Variants in COG3 observed in about 807,000 individuals in gnomAD.
The protein encoded by COG3 is conserved oligomeric Golgi complex subunit 3.
In COG3, 32 loss-of-function variants were observed where a neutral mutation model predicts 114.1. The ratio of observed to expected loss-of-function variants is 0.28; its 90% CI spans 0.21 to 0.38. The LOEUF (loss-of-function observed/expected upper bound fraction) is 0.38, where lower values mean the gene tolerates loss of function less well. COG3 is among the 10% of genes least tolerant of loss of function. COG3 has a pLI of 1.00. For missense variants in COG3, 813 were observed against 973.2 expected, an observed-to-expected ratio of 0.84 and a Z score of 2.19; for synonymous variants, 352 against 365.7, an observed-to-expected ratio of 0.96 and a Z score of 0.43.
rs562073753 is a variant in COG3 at position 45,498,090 on chromosome 13, A to C, written c.1488+1778A>C. 2.0e-5 allele frequency among the ~76,000 whole-genome samples: 3 copies of C among 152,330 alleles called. No individual in the cohort carries two copies. The South Asian group carries it at 6.2e-4, about 32-fold the overall frequency. ...AGTTCCTTAATATCATCAAGTATCT[A>C]GAACTTATTTTTCAGATTCACCAGT... On this transcript the variant is annotated intron_variant, in intron 13 of 22. Coordinates refer to ENST00000349995, the MANE Select transcript of COG3 (RefSeq NM_031431.4).
intron 1 of COG3, among the ~76,000 whole-genome samples, chr13:45,474,784 A>AC (rs57283142): frequency 0.097 from 14,756 of 152,224 alleles, 2,025 homozygotes; most frequent in African/African-American, 0.3. Context: ...TAGAAGGTAG[A>AC]CAGGGTAGCA....
rs1361819415 is a variant in COG3 at position 45,503,299 on chromosome 13, T to C, written c.1544T>C (p.Phe515Ser). Residue 515 changes from phenylalanine to serine, a missense_variant, in exon 14 of 23, where the codon TTT becomes TCT. By Grantham distance (155) the Phe-to-Ser change is radical (BLOSUM62 -2). Around this residue, in one of 2 missense-constraint regions of COG3, gnomAD observed 389 missense variants for 542.6 expected, o/e 0.72. Coordinates refer to ENST00000349995, the MANE Select transcript of COG3 (RefSeq NM_031431.4). Reference sequence around the variant, plus strand: ...AAGAAGGTACCTTCAGAAGCTTCATTTTCAGATGTTCACTTAGAAGAAGGA... The same window carrying C: ...AAGAAGGTACCTTCAGAAGCTTCATCTTCAGATGTTCACTTAGAAGAAGGA... ...EQKKVPSEAS[F>S]SDVHLEEGES... 1 of 1,608,528 alleles carries C rather than the reference T, an allele frequency of 6.2e-7. No homozygotes were observed. Among genetic ancestry groups the C allele is most frequent in the Non-Finnish European group, 8.5e-7 (1 of 1,175,126 alleles).
intron 4 of COG3, 57 bp downstream of exon 4, chr13:45,480,347 A>G (rs1169417823): frequency 8.5e-7 from 1 of 1,173,370 alleles, no homozygotes; most frequent in East Asian, 2.6e-5. Context: ...AAAATAGATG[A>G]ATACAGTTTT....
chr13:45,473,978 A>T (rs183751470), intron 1 of COG3, among the ~76,000 whole-genome samples: 1 of 152,308 alleles, frequency 6.6e-6, no homozygotes, highest in East Asian at 1.9e-4. Context: ...GTTTACATGA[A>T]CAAGTGATGC....
chr13:45,493,660 C>T, intron 12 of COG3, 174 bp downstream of exon 12: 1 of 439,586 alleles, frequency 2.3e-6, no homozygotes, highest in Admixed American at 3.8e-5. Flanking sequence ...TCACTAAAGA[C>T]ACAATCAGAT....
At chr13:45,520,533 C>T (rs1466942186) in intron 19 of COG3, among the ~76,000 whole-genome samples, 1 of 152,058 alleles carries the variant, frequency 6.6e-6, no homozygotes, top group East Asian at 1.9e-4. Flanking sequence ...TTGGATCCAT[C>T]AACGCTAATA....
intron 7 of COG3, among the ~76,000 whole-genome samples, chr13:45,483,971 GTTAA>G (rs1316728145): frequency 6.6e-6 from 1 of 152,002 alleles, no homozygotes; most frequent in African/African-American, 2.4e-5. Flanking sequence ...AAATCAATTA[GTTAA>G]TTATGGATTG....
In COG3 at chr13:45,530,732, G is replaced by T; in HGVS notation, c.2409G>T (p.Glu803Asp). ...FQKFHALLKE[E>D]FSPEDIQIIA... ...AGTTCCACGCTCTGTTAAAGGAAGA[G>T]TTCAGCCCTGAAGACATCCAGATCA... The change falls in exon 22 of 23, where the codon GAG (glutamate) becomes GAT (aspartate). Residue 803 changes from glutamate (E) to aspartate (D), a missense_variant. This residue lies in a region of COG3 where 389 missense variants were observed against 542.6 expected (regional missense o/e 0.72). Transcript: ENST00000349995. 1 of 1,613,496 alleles carries T rather than the reference G, an allele frequency of 6.2e-7. No homozygotes were observed. Among genetic ancestry groups the T allele is most frequent in the Non-Finnish European group, 8.5e-7 (1 of 1,179,460 alleles).
intron 14 of COG3, among the ~76,000 whole-genome samples, chr13:45,507,383 A>G (rs1870270322): frequency 6.6e-6 from 1 of 152,168 alleles, no homozygotes; most frequent in Admixed American, 6.5e-5. Flanking sequence ...TAAAAATTAT[A>G]CAAGTTAAAT....
In COG3 at chr13:45,492,214, A is replaced by G. The variant is rs756721027; in HGVS notation, c.1151A>G (p.Tyr384Cys). ...VHVCQDEHQL[Y>C]NEFFTKPTSK... is the part of the protein sequence containing the mutation. ...GTCTGCCAGGATGAACACCAACTTT[A>G]CAATGAATTTTTCACAAAACCAACA... The change falls in exon 11 of 23, where the codon TAC becomes TGC. Residue 384 changes from tyrosine (Y) to cysteine (C), a missense_variant. This residue lies in a region of COG3 where 389 missense variants were observed against 542.6 expected (regional missense o/e 0.72). Coordinates refer to ENST00000349995, the MANE Select transcript of COG3 (RefSeq NM_031431.4). The G allele has an allele frequency of 6.2e-7, 1 of 1,609,402 alleles. No homozygotes were observed. Among genetic ancestry groups the G allele is most frequent in the Admixed American group, 1.7e-5 (1 of 59,092 alleles).
chr13:45,502,021 G>C (rs1566258296), intron 13 of COG3, among the ~76,000 whole-genome samples: 2 of 152,132 alleles, frequency 1.3e-5, no homozygotes, highest in African/African-American at 2.4e-5. Context: ...TCCCCTTGTA[G>C]GGCAGGCAGT....
At chr13:45,487,300 A>G (rs1886727297) in intron 8 of COG3, among the ~76,000 whole-genome samples, 1 of 152,218 alleles carries the variant, frequency 6.6e-6, no homozygotes, top group Non-Finnish European at 1.5e-5. Context: ...AGAAGAAAAC[A>G]TAGGGGAAAT....
rs747833426 is a variant in COG3 at position 45,529,821 on chromosome 13, A to G, written c.2261A>G (p.Tyr754Cys). Residue 754 changes from tyrosine to cysteine, a missense_variant, in exon 21 of 23, where the codon TAT becomes TGT. This residue lies in a region of COG3 where 389 missense variants were observed against 542.6 expected (regional missense o/e 0.72). Transcript: ENST00000349995. ...GTCAATGACCTTGCGGCAACTGCATATAAGACAATAAAAACAAAGCTGCCT... is the reference window on the plus strand; with the variant it reads ...GTCAATGACCTTGCGGCAACTGCATGTAAGACAATAAAAACAAAGCTGCCT... ...AKVNDLAATA[Y>C]KTIKTKLPVT... The G allele has an allele frequency of 1.4e-5, 23 of 1,613,334 alleles. No individual in the cohort carries two copies. Among genetic ancestry groups the G allele is most frequent in the Non-Finnish European group, 1.8e-5 (21 of 1,179,458 alleles).
At chr13:45,497,916 A>G (rs1425679506) in intron 13 of COG3, among the ~76,000 whole-genome samples, 3 of 152,212 alleles carry the variant, frequency 2.0e-5, no homozygotes, top group East Asian at 1.9e-4. Flanking sequence ...GCAGAAACCA[A>G]TGAGTAAAGA....
At chr13:45,471,987 C>T (rs754461141) in intron 1 of COG3, among the ~76,000 whole-genome samples, 1 of 152,174 alleles carries the variant, frequency 6.6e-6, no homozygotes, top group East Asian at 1.9e-4. Flanking sequence ...CCTGCCTCGG[C>T]CTCCGAAAGT....
At chr13:45,531,230 C>T (rs756404420) in intron 22 of COG3, 1 of 197,818 alleles carries the variant, frequency 5.1e-6, no homozygotes, top group African/African-American at 2.4e-5. Context: ...GCACCCATCA[C>T]CCGAGCAGTA....
intron 16 of COG3, among the ~76,000 whole-genome samples, chr13:45,515,052 C>G (rs753348866): frequency 2.0e-5 from 3 of 152,172 alleles, no homozygotes; most frequent in Non-Finnish European, 4.4e-5. Flanking sequence ...AACTGAGCAC[C>G]TGTCAACAAA....
chr13:45,499,789 A>G (rs1349980260), intron 13 of COG3, among the ~76,000 whole-genome samples: 2 of 152,164 alleles, frequency 1.3e-5, no homozygotes, highest in Non-Finnish European at 2.9e-5. Context: ...TGGGAGGCCA[A>G]GGTGGGCGAA....
chr13:45,494,090 C>A (rs568102931), intron 12 of COG3, among the ~76,000 whole-genome samples: 5 of 152,016 alleles, frequency 3.3e-5, no homozygotes, highest in Non-Finnish European at 4.4e-5. Context: ...TTTGGGAAGC[C>A]GAGGTGGGTG....
Sources: allele counts gnomAD v4.1 joint callset (sites outside exome capture counted in the v4.1 genomes callset), GRCh38; gene constraint gnomAD v4.1.1; regional missense constraint gnomAD v4.1.1; transcripts MANE v1.5; gene names NCBI Gene and HGNC (gene_info 2026-07-23, HGNC 2026-07-21).